The following AMD1 variants were observed in gnomAD, a reference collection of about 807,000 sequenced individuals.
The protein encoded by AMD1 is adenosylmethionine decarboxylase 1, also known as S-adenosylmethionine decarboxylase proenzyme.
AMD1 carries 11 observed loss-of-function variants against 40.2 expected under a neutral mutation model. That is an observed-to-expected ratio of 0.27 (90% CI 0.17 to 0.45). The LOEUF (loss-of-function observed/expected upper bound fraction) is 0.45. AMD1 is among the 20% of genes least tolerant of loss of function. The pLI is 1.00. For missense variants in AMD1, 257 were observed against 410.2 expected (o/e 0.63, Z 3.23); for synonymous variants, 121 against 130.8 (o/e 0.93, Z 0.51).
the AMD1 span, chr6:110,859,001 C>A: frequency 1.7e-5 from 20 of 1,164,760 alleles, no homozygotes; most frequent in East Asian, 3.5e-4. Flanking sequence ...CCAAGCAAAG[C>A]GGCCAGGTCT....
the AMD1 span, among the ~76,000 whole-genome samples, chr6:110,862,130 C>G: frequency 3.3e-5 from 5 of 150,186 alleles, no homozygotes; most frequent in African/African-American, 1.2e-4. Flanking sequence ...AGTGATTCTC[C>G]CAGGAGTAGC....
At chr6:110,877,865 A>G (rs1307896975) in intron 1 of AMD1, among the ~76,000 whole-genome samples, 1 of 152,232 alleles carries the variant, frequency 6.6e-6, no homozygotes, top group East Asian at 1.9e-4. Flanking sequence ...GAATTAAACA[A>G]ATCTGTTTAT....
At chr6:110,871,903 A>G (rs1247086587), upstream of AMD1, among the ~76,000 whole-genome samples, 1 of 152,232 alleles carries the variant, frequency 6.6e-6, no homozygotes, top group Non-Finnish European at 1.5e-5. Flanking sequence ...GAGAAAATGT[A>G]TGTAGAAAAG....
At chr6:110,868,987 G>A in the AMD1 span, among the ~76,000 whole-genome samples, 1 of 151,598 alleles carries the variant, frequency 6.6e-6, no homozygotes, top group South Asian at 2.1e-4. Context: ...TTGAACCCGG[G>A]AGGCGGAGGT....
chr6:110,852,517 G>GC, the AMD1 span, among the ~76,000 whole-genome samples: 7 of 152,126 alleles, frequency 4.6e-5, no homozygotes, highest in Admixed American at 3.9e-4. Flanking sequence ...ACTGCACCTG[G>GC]CCCATAATGA....
intron 4 of AMD1, 70 bp downstream of exon 4, chr6:110,890,426 A>G: frequency 5.6e-6 from 6 of 1,062,702 alleles, no homozygotes; most frequent in South Asian, 1.4e-5. Context: ...AGATCTTTCT[A>G]TATGAGAGCA....
chr6:110,887,838 A>G (rs1230072764), intron 2 of AMD1, among the ~76,000 whole-genome samples: 3 of 152,110 alleles, frequency 2.0e-5, no homozygotes, highest in African/African-American at 7.2e-5. Flanking sequence ...GGCACCTTCC[A>G]TCATGCCCGG....
chr6:110,844,833 G>A, the AMD1 span, among the ~76,000 whole-genome samples: 1 of 151,842 alleles, frequency 6.6e-6, no homozygotes, highest in Non-Finnish European at 1.5e-5. Flanking sequence ...CCTGAGGCTG[G>A]GTAATTTATA....
chr6:110,815,155 A>G, the AMD1 span: 5 of 1,570,148 alleles, frequency 3.2e-6, no homozygotes, highest in Non-Finnish European at 4.3e-6. Flanking sequence ...TCCCCCATAG[A>G]GGCACGGGAC....
At chr6:110,846,134 G>A in the AMD1 span, among the ~76,000 whole-genome samples, 1 of 152,100 alleles carries the variant, frequency 6.6e-6, no homozygotes, top group Admixed American at 6.6e-5. Context: ...AGCTACTTGG[G>A]AGGCTGAGGT....
the AMD1 span, among the ~76,000 whole-genome samples, chr6:110,826,777 C>G: frequency 6.6e-6 from 1 of 151,600 alleles, no homozygotes; most frequent in Non-Finnish European, 1.5e-5. Context: ...CTGCAACCCC[C>G]GCCTCCCAGG....
At chr6:110,842,571 G>A in the AMD1 span, among the ~76,000 whole-genome samples, 1 of 152,172 alleles carries the variant, frequency 6.6e-6, no homozygotes, top group African/African-American at 2.4e-5. Flanking sequence ...TGACCAAAGA[G>A]TAGCTTAGCA....
chr6:110,823,036 A>G, the AMD1 span, among the ~76,000 whole-genome samples: 9 of 152,130 alleles, frequency 5.9e-5, no homozygotes, highest in Admixed American at 5.9e-4. Context: ...AATCACTTGA[A>G]CCCAGGAGGT....
At chr6:110,859,034 T>C in the AMD1 span, 1 of 1,221,698 alleles carries the variant, frequency 8.2e-7, no homozygotes, top group South Asian at 1.2e-5. Flanking sequence ...GGCAGATACA[T>C]GACCCCAAGT....
the AMD1 span, among the ~76,000 whole-genome samples, chr6:110,866,803 T>G: frequency 6.6e-6 from 1 of 151,522 alleles, no homozygotes; most frequent in African/African-American, 2.4e-5. Flanking sequence ...GTTTCTGAGC[T>G]CCAACAACAC....
the AMD1 span, among the ~76,000 whole-genome samples, chr6:110,828,538 G>A: frequency 6.6e-6 from 1 of 152,178 alleles, no homozygotes; most frequent in Non-Finnish European, 1.5e-5. Flanking sequence ...AGGAAAGGTG[G>A]GTGTGCCCAG....
rs561251063 is a variant in AMD1, at chr6:110,895,641, A to T, written c.*2025A>T. The T allele has an allele frequency of 6.6e-6, 1 of 152,636 alleles. No individual in the cohort carries two copies. Among genetic ancestry groups the T allele is most frequent in the Non-Finnish European group, 1.5e-5 (1 of 68,028 alleles). 9.5% of individuals were successfully genotyped at this position (152,636 alleles called of 1,614,324 possible). ...CTCCTTTCACTGGTGTTGGACTTAA[A>T]TCAGTTGAAATGTATTTCTGTACCA... is the stretch of plus-strand genomic sequence containing the variant. On this transcript the variant is annotated 3_prime_UTR_variant, in exon 9 of 9. Transcript: ENST00000368885.
the AMD1 span, among the ~76,000 whole-genome samples, chr6:110,862,019 CTT>C: frequency 2.6e-3 from 326 of 125,456 alleles, 2 homozygotes; most frequent in African/African-American, 8.3e-3. Flanking sequence ...GATTTAAAAT[CTT>C]TTTTTTTTTT....
chr6:110,839,817 G>A, the AMD1 span, among the ~76,000 whole-genome samples: 1 of 151,968 alleles, frequency 6.6e-6, no homozygotes, highest in Admixed American at 6.6e-5. Context: ...AAATGCTGAG[G>A]GCTGTTCAAC....
Sources: allele counts gnomAD v4.1 joint callset (sites outside exome capture counted in the v4.1 genomes callset), GRCh38; gene constraint gnomAD v4.1.1; transcripts MANE v1.5; gene names NCBI Gene and HGNC (gene_info 2026-07-23, HGNC 2026-07-21).